KATNBL1: variants seen among roughly 807,000 people sequenced by gnomAD.
The protein encoded by KATNBL1 is KATNB1-like protein 1.
A neutral mutation model predicts 44.7 loss-of-function variants in KATNBL1; 28 were observed. The ratio of observed to expected loss-of-function variants is 0.63; its 90% CI spans 0.46 to 0.86. The LOEUF is 0.86. KATNBL1 is among the 40% of genes least tolerant of loss of function. KATNBL1 has a pLI of 0.00. For synonymous variants in KATNBL1, 78 were observed against 114.9 expected (o/e 0.68, Z 2.06); for missense variants, 272 against 350.7 (o/e 0.78, Z 1.79).
chr15:34,149,711 G>A (rs146148647), intron 4 of KATNBL1, among the ~76,000 whole-genome samples: 99 of 152,210 alleles, frequency 6.5e-4, no homozygotes, highest in Middle Eastern at 3.4e-3. Context: ...GGCATGAGCC[G>A]CCACACCAAG....
At chr15:34,179,176 T>C (rs1889442140) in intron 1 of KATNBL1, among the ~76,000 whole-genome samples, 1 of 152,218 alleles carries the variant, frequency 6.6e-6, no homozygotes, top group Admixed American at 6.5e-5. Flanking sequence ...CAGAGGTTTA[T>C]TTTGTTTAGT....
intron 1 of KATNBL1, among the ~76,000 whole-genome samples, chr15:34,176,187 CA>C (rs923740405): frequency 5.9e-5 from 9 of 151,798 alleles, no homozygotes; most frequent in African/African-American, 1.2e-4. Context: ...CCAGCCTGGC[CA>C]ACATGGTGAA....
chr15:34,142,431 T>A, intron 9 of KATNBL1, 60 bp from the exon 10 acceptor site: 1 of 1,508,872 alleles, frequency 6.6e-7, no homozygotes, highest in Non-Finnish European at 8.9e-7. Flanking sequence ...ACATAAACAA[T>A]CCATTTTTTT....
At chr15:34,203,686 G>A (rs1405741650) in intron 1 of KATNBL1, among the ~76,000 whole-genome samples, 2 of 152,164 alleles carry the variant, frequency 1.3e-5, no homozygotes, top group African/African-American at 2.4e-5. Flanking sequence ...ACTTATTCTG[G>A]TATCTATTTT....
At chr15:34,144,355 A>T (rs1254586187) in intron 9 of KATNBL1, among the ~76,000 whole-genome samples, 1 of 151,786 alleles carries the variant, frequency 6.6e-6, no homozygotes, top group African/African-American at 2.4e-5. Flanking sequence ...GAATTCTAAG[A>T]AGTTGTTTTG....
chr15:34,151,545 G>A (rs1206333079), intron 4 of KATNBL1, among the ~76,000 whole-genome samples: 6 of 137,754 alleles, frequency 4.4e-5, no homozygotes, highest in South Asian at 2.4e-4. Context: ...TTTGCCTCCC[G>A]GGTTCAAGCA....
At chr15:34,195,674 G>A (rs1247885489) in intron 1 of KATNBL1, among the ~76,000 whole-genome samples, 3 of 138,944 alleles carry the variant, frequency 2.2e-5, no homozygotes, top group Non-Finnish European at 4.5e-5. Flanking sequence ...CTGGGCAACA[G>A]AGAGAGACGC....
intron 1 of KATNBL1, chr15:34,198,341 G>A (rs1313776709): frequency 2.0e-5 from 3 of 152,148 alleles, no homozygotes; most frequent in African/African-American, 7.2e-5. Context: ...TCTAGTGGGA[G>A]AAATAGACAA....
At chr15:34,153,236 G>C (rs937227548) in intron 3 of KATNBL1, among the ~76,000 whole-genome samples, 167 bp from the exon 4 acceptor site, 1 of 152,048 alleles carries the variant, frequency 6.6e-6, no homozygotes, top group African/African-American at 2.4e-5. Flanking sequence ...AAAGTAAAAG[G>C]GAAATTACAA....
chr15:34,175,887 T>C (rs563090106), intron 1 of KATNBL1, among the ~76,000 whole-genome samples: 75 of 152,072 alleles, frequency 4.9e-4, no homozygotes, highest in Admixed American at 4.0e-3. Context: ...AGATTTATCA[T>C]ATGATCCAGC....
At chr15:34,168,358 G>C (rs1889050252) in intron 1 of KATNBL1, among the ~76,000 whole-genome samples, 1 of 152,058 alleles carries the variant, frequency 6.6e-6, no homozygotes, top group Non-Finnish European at 1.5e-5. Flanking sequence ...TTATATAATG[G>C]TAAAGGAATC....
intron 1 of KATNBL1, among the ~76,000 whole-genome samples, chr15:34,184,551 A>G (rs1597454202): frequency 6.9e-6 from 1 of 144,856 alleles, no homozygotes; most frequent in East Asian, 2.0e-4. Context: ...TTTGGTATTA[A>G]TACTTCCTGT....
chr15:34,178,162 A>G (rs80043228), intron 1 of KATNBL1, among the ~76,000 whole-genome samples: 1 of 152,202 alleles, frequency 6.6e-6, no homozygotes, highest in Non-Finnish European at 1.5e-5. Flanking sequence ...TATTTTCGTT[A>G]ATTGAATTCA....
chr15:34,206,360 C>T (rs1315537507), intron 1 of KATNBL1, among the ~76,000 whole-genome samples: 1 of 152,198 alleles, frequency 6.6e-6, no homozygotes, highest in Non-Finnish European at 1.5e-5. Flanking sequence ...TCTCTCATTT[C>T]TACCCTCATT....
Position 34,152,911 on chromosome 15 carries a change from CA to C in KATNBL1, c.316del (p.Cys106ValfsTer58). On this transcript the variant is annotated frameshift_variant, in exon 4 of 10. Coordinates refer to ENST00000256544, the MANE Select transcript of KATNBL1 (RefSeq NM_024713.3). LOFTEE classifies it high-confidence loss of function. ...TAATTTTTCAGGCAGGTGGCCTGCA[CA>C]AGCCAGTTCATTTTCTTTATTTGCC... Reference protein sequence around the residue: ...DMANKENELACAGHLPEKLHH... With the variant: ...DMANKENELAXAGHLPEKLHH... 1.9e-6 allele frequency: 3 copies of C among 1,614,036 alleles called. No homozygotes were observed. Among genetic ancestry groups the C allele is most frequent in the Non-Finnish European group, 2.5e-6 (3 of 1,179,924 alleles).
chr15:34,184,051 C>A (rs1889642074), intron 1 of KATNBL1, among the ~76,000 whole-genome samples: 1 of 152,046 alleles, frequency 6.6e-6, no homozygotes, highest in Non-Finnish European at 1.5e-5. Flanking sequence ...CGCCTGTAAT[C>A]CCAGCACTTT....
chr15:34,195,861 T>C (rs1890017065), intron 1 of KATNBL1, among the ~76,000 whole-genome samples: 1 of 152,188 alleles, frequency 6.6e-6, no homozygotes, highest in African/African-American at 2.4e-5. Context: ...TGGAAATTGA[T>C]GATAAATGCA....
intron 1 of KATNBL1, among the ~76,000 whole-genome samples, chr15:34,188,276 C>T (rs1889779630): frequency 6.6e-6 from 1 of 151,088 alleles, no homozygotes; most frequent in African/African-American, 2.4e-5. Flanking sequence ...CGCAAATGAG[C>T]TGGGTGTGGT....
At chr15:34,168,085 A>T (rs1356019898) in intron 1 of KATNBL1, among the ~76,000 whole-genome samples, 1 of 152,232 alleles carries the variant, frequency 6.6e-6, no homozygotes, top group East Asian at 1.9e-4. Context: ...TTCATACATA[A>T]CAGCATTAAC....
Sources: allele counts gnomAD v4.1 joint callset (sites outside exome capture counted in the v4.1 genomes callset), GRCh38; gene constraint gnomAD v4.1.1; transcripts MANE v1.5; gene names NCBI Gene and HGNC (gene_info 2026-07-23, HGNC 2026-07-21).